DNAH14: variants seen among roughly 807,000 people sequenced by gnomAD.
DNAH14 encodes dynein axonemal heavy chain 14.
Under a neutral mutation model 520.9 loss-of-function variants are expected in DNAH14, and 478 were observed. That is an observed-to-expected ratio of 0.92 (90% confidence interval 0.85 to 0.99). The LOEUF is 0.99. Among genes scored for constraint, DNAH14 ranks in the 50% least tolerant of loss-of-function variants. The pLI is 0.00. For missense variants in DNAH14, 4,831 were observed against 5,234.5 expected (o/e 0.92, Z 2.38); for synonymous variants, 1,581 against 1,757.2 (o/e 0.90, Z 2.51).
chr1:225,024,734 A>C (rs1304215496), intron 11 of DNAH14: 5 of 152,188 alleles, frequency 3.3e-5, no homozygotes, highest in Non-Finnish European at 7.4e-5. Context: ...GTAAGAACAC[A>C]ACTATTTAGT....
intron 10 of DNAH14, among the ~76,000 whole-genome samples, chr1:225,020,354 A>C (rs900085980): frequency 5.9e-5 from 9 of 151,736 alleles, no homozygotes; most frequent in African/African-American, 9.7e-5. Flanking sequence ...AAAATTAGCC[A>C]GGTGTGGTGG....
Position 225,240,578 on chromosome 1 carries a change from A to G in DNAH14, c.6519-15A>G. 1 of 1,449,458 alleles carries G rather than the reference A, an allele frequency of 6.9e-7. No individual in the cohort carries two copies. The highest frequency in any genetic ancestry group is 9.5e-7 in the Non-Finnish European group (1 of 1,056,190). The allele number at this position is 1,449,458 out of a possible 1,614,324, so 89.8% of individuals were successfully genotyped here. A position where few individuals can be genotyped will look rare whatever the true frequency, so the allele number is the denominator to read the frequency against. On this transcript the variant is annotated splice_polypyrimidine_tract_variant and intron_variant, in intron 42 of 85. Transcript: ENST00000682510. Reference sequence around the variant, plus strand: ...AAAATGTTAACCTTCATCCTTCCATACCTGTCTACCCCAGGGATGAAAATA... The same window carrying G: ...AAAATGTTAACCTTCATCCTTCCATGCCTGTCTACCCCAGGGATGAAAATA...
intron 43 of DNAH14, among the ~76,000 whole-genome samples, chr1:225,251,176 A>C (rs1230512498): frequency 7.1e-6 from 1 of 140,822 alleles, no homozygotes; most frequent in Non-Finnish European, 1.6e-5. Context: ...AAAACTATAA[A>C]CTTTTTTTTT....
intron 1 of DNAH14, among the ~76,000 whole-genome samples, chr1:224,935,248 A>G (rs1291898102): frequency 3.9e-5 from 6 of 151,944 alleles, no homozygotes; most frequent in Admixed American, 3.9e-4. Flanking sequence ...CATGTCAGTA[A>G]TAACCTTCAA....
chr1:225,174,321 A>G (rs1489881715), intron 36 of DNAH14, among the ~76,000 whole-genome samples: 1 of 152,176 alleles, frequency 6.6e-6, no homozygotes. Flanking sequence ...TGAACACAGG[A>G]TATCTTTCCA....
intron 42 of DNAH14, 126 bp downstream of exon 42, chr1:225,231,277 ATTTAT>A (rs1388036800): frequency 1.3e-5 from 8 of 622,848 alleles, no homozygotes; most frequent in East Asian, 3.1e-5. Flanking sequence ...ATCCACTTAA[ATTTAT>A]TTTATTCCAA....
intron 45 of DNAH14, 58 bp downstream of exon 45, chr1:225,258,176 T>C (rs1049738231): frequency 7.8e-5 from 107 of 1,377,946 alleles, no homozygotes; most frequent in Non-Finnish European, 9.8e-5. Flanking sequence ...TTTACAGATA[T>C]TTGGTCTAAC....
intron 1 of DNAH14, among the ~76,000 whole-genome samples, chr1:224,932,881 T>G (rs533953898): frequency 6.6e-6 from 1 of 152,310 alleles, no homozygotes. Context: ...CCAACTTTGT[T>G]CTTTTTGTTC....
chr1:225,366,892 C>G (rs1017267796), intron 76 of DNAH14, among the ~76,000 whole-genome samples: 19 of 151,910 alleles, frequency 1.3e-4, no homozygotes, highest in Admixed American at 9.9e-4. Context: ...GCTGCTTTGC[C>G]AGCCATTCTG....
intron 17 of DNAH14, among the ~76,000 whole-genome samples, chr1:225,073,203 G>A (rs1017664709): frequency 2.6e-5 from 4 of 152,190 alleles, no homozygotes; most frequent in African/African-American, 9.6e-5. Flanking sequence ...TAAAAAAGCA[G>A]TCTGACCATG....
intron 27 of DNAH14, among the ~76,000 whole-genome samples, chr1:225,136,293 C>G (rs972897329): frequency 6.6e-6 from 1 of 152,074 alleles, no homozygotes; most frequent in Non-Finnish European, 1.5e-5. Flanking sequence ...AGCTGATAAT[C>G]GTTTTTTCTT....
chr1:225,284,343 A>T (rs544618039), intron 54 of DNAH14, among the ~76,000 whole-genome samples: 2 of 152,266 alleles, frequency 1.3e-5, no homozygotes, highest in Non-Finnish European at 1.5e-5. Flanking sequence ...CAGAAATTAA[A>T]AAAAGATTAT....
Position 224,960,179 on chromosome 1 carries a change from C to A in DNAH14, c.244C>A (p.Gln82Lys). ...EDYLRESIIQ[Q>K]HMVSPEPASL... ...TTACCTTAGAGAAAGTATAATTCAACAACATATGGTTTCTCCAGAGCCAGC... is the reference window on the plus strand; with the variant it reads ...TTACCTTAGAGAAAGTATAATTCAAAAACATATGGTTTCTCCAGAGCCAGC... Residue 82 changes from glutamine (Q) to lysine (K), a missense_variant, in exon 4 of 86, where the codon CAA becomes AAA. Transcript: ENST00000682510. 6.3e-7 allele frequency: 1 copy of A among 1,595,434 alleles called. No individual in the cohort carries two copies. Among genetic ancestry groups the A allele is most frequent in the Non-Finnish European group, 8.5e-7 (1 of 1,174,010 alleles).
At chr1:225,210,461 A>T (rs2088223068) in intron 41 of DNAH14, among the ~76,000 whole-genome samples, 1 of 151,878 alleles carries the variant, frequency 6.6e-6, no homozygotes, top group Non-Finnish European at 1.5e-5. Flanking sequence ...GCCTCTCTAG[A>T]TTCCTCCTCT....
chr1:225,137,564 C>T (rs2079057904), intron 27 of DNAH14, among the ~76,000 whole-genome samples: 1 of 152,146 alleles, frequency 6.6e-6, no homozygotes, highest in South Asian at 2.1e-4. Context: ...CCATGTTGGC[C>T]AGGCTGGTCT....
chr1:225,150,736 A>T (rs914461026), intron 31 of DNAH14, among the ~76,000 whole-genome samples: 3 of 149,038 alleles, frequency 2.0e-5, no homozygotes, highest in South Asian at 2.1e-4. Context: ...TTCCACATAC[A>T]TTTTTTTTTT....
chr1:225,162,000 T>A (rs903859465), intron 35 of DNAH14, among the ~76,000 whole-genome samples: 1 of 152,190 alleles, frequency 6.6e-6, no homozygotes, highest in Non-Finnish European at 1.5e-5. Context: ...TGCAGAAGCT[T>A]TTTAACTTCA....
At chr1:225,031,581 A>C (rs919482042) in intron 11 of DNAH14, among the ~76,000 whole-genome samples, 16 of 152,094 alleles carry the variant, frequency 1.1e-4, no homozygotes, top group Non-Finnish European at 2.1e-4. Flanking sequence ...AGAAGGAAAA[A>C]TATTAAAAGA....
At chr1:225,374,145 CTATA>C (rs71170080) in intron 77 of DNAH14, among the ~76,000 whole-genome samples, 2,935 of 32,874 alleles carry the variant, frequency 0.089, 305 homozygotes, top group Non-Finnish European at 0.12. Context: ...TTGTGTCTTA[CTATA>C]TATATATATA....
Sources: allele counts gnomAD v4.1 joint callset (sites outside exome capture counted in the v4.1 genomes callset), GRCh38; gene constraint gnomAD v4.1.1; transcripts MANE v1.5; gene names NCBI Gene and HGNC (gene_info 2026-07-23, HGNC 2026-07-21).